TMEM67: variants seen among roughly 807,000 people sequenced by gnomAD.
TMEM67 encodes the protein transmembrane protein 67.
Under a neutral mutation model 136.6 loss-of-function variants are expected in TMEM67, and 124 were observed. The ratio of observed to expected loss-of-function variants is 0.91; its 90% CI spans 0.78 to 1.05. The LOEUF is 1.05. Ranked by LOEUF, TMEM67 falls within the 50% of genes least tolerant of loss-of-function variation. The pLI, the probability that TMEM67 is intolerant of heterozygous loss-of-function variation, is 0.00. For missense variants in TMEM67, 1,107 were observed against 1,178.4 expected (o/e 0.94, Z 0.89); for synonymous variants, 364 against 390.5 (o/e 0.93, Z 0.80).
At chr8:93,818,291 A>AT (rs1808978207), downstream of TMEM67, among the ~76,000 whole-genome samples, 1 of 152,122 alleles carries the variant, frequency 6.6e-6, no homozygotes, top group African/African-American at 2.4e-5. Context: ...ATTTCTCTTC[A>AT]TTTCATAATG....
intron 21 of TMEM67, among the ~76,000 whole-genome samples, chr8:93,799,986 C>T (rs1423470641): frequency 1.3e-5 from 2 of 149,418 alleles, no homozygotes; most frequent in Non-Finnish European, 3.0e-5. Context: ...TGGTTCACTG[C>T]AGCCTCTGCC....
chr8:93,779,380 A>T (rs183502873), intron 7 of TMEM67, among the ~76,000 whole-genome samples: 10 of 152,152 alleles, frequency 6.6e-5, no homozygotes, highest in Non-Finnish European at 1.5e-4. Flanking sequence ...GTCATTCTCC[A>T]TCCAGCTTTG....
rs1232366538 is a variant in TMEM67, at chr8:93,755,039, C to G, written c.125C>G (p.Pro42Arg). 1 of 1,614,224 alleles carries G rather than the reference C, an allele frequency of 6.2e-7. No individual in the cohort carries two copies. Among genetic ancestry groups the G allele is most frequent in the Admixed American group, 1.7e-5 (1 of 60,028 alleles). Residue 42 changes from proline to arginine, a missense_variant, in exon 1 of 28, where the codon CCT becomes CGT. Transcript: ENST00000453321. ...TTACAGGCCCAGACCTTCTCTTTCC[C>G]TTTCCAGCAGCCGGAGAAGTGCGAC... ...RFLQAQTFSF[P>R]FQQPEKCDNN...
chr8:93,796,872 C>T (rs1202468426), intron 18 of TMEM67, among the ~76,000 whole-genome samples: 1 of 152,018 alleles, frequency 6.6e-6, no homozygotes, highest in African/African-American at 2.4e-5. Context: ...AATGTCTCCT[C>T]TTTTCATATT....
At chr8:93,799,226 T>G (rs1394770072) in intron 20 of TMEM67, among the ~76,000 whole-genome samples, 2 of 152,182 alleles carry the variant, frequency 1.3e-5, no homozygotes, top group African/African-American at 4.8e-5. Flanking sequence ...ATATACTGTT[T>G]TAAAGTATAA....
At chr8:93,809,670 A>G in intron 25 of TMEM67, 115 bp from the exon 26 acceptor site, 1 of 669,138 alleles carries the variant, frequency 1.5e-6, no homozygotes, top group Non-Finnish European at 2.6e-6. Flanking sequence ...TTTGAAGAAC[A>G]GATTTTCTTT....
intron 23 of TMEM67, among the ~76,000 whole-genome samples, chr8:93,806,185 T>C (rs558835165): frequency 3.5e-4 from 53 of 152,302 alleles, no homozygotes; most frequent in Non-Finnish European, 5.6e-4. Context: ...ATGGTGGCAG[T>C]GTACGAACTA....
At chr8:93,764,086 A>C in intron 4 of TMEM67, 145 bp downstream of exon 4, 2 of 688,316 alleles carry the variant, frequency 2.9e-6, no homozygotes, top group Non-Finnish European at 5.1e-6. Flanking sequence ...CAGATACAGA[A>C]GCTGAGGCCC....
intron 6 of TMEM67, among the ~76,000 whole-genome samples, chr8:93,771,013 C>CA (rs768436450): frequency 0.02 from 2,500 of 125,656 alleles, 59 homozygotes; most frequent in African/African-American, 0.055. Flanking sequence ...AATTCCGTCT[C>CA]AAAAAAAAAA....
chr8:93,778,457 C>G (rs902281689), intron 7 of TMEM67, among the ~76,000 whole-genome samples: 2 of 152,188 alleles, frequency 1.3e-5, no homozygotes, highest in Non-Finnish European at 1.5e-5. Flanking sequence ...CATTGATGAT[C>G]TTTACAATTT....
intron 26 of TMEM67, among the ~76,000 whole-genome samples, chr8:93,810,596 T>G (rs1215998240): frequency 6.6e-6 from 1 of 152,028 alleles, no homozygotes; most frequent in Non-Finnish European, 1.5e-5. Context: ...ATAATAATAA[T>G]TTTACATAAA....
At chr8:93,786,693 A>T (rs963550760) in intron 13 of TMEM67, among the ~76,000 whole-genome samples, 9 of 152,118 alleles carry the variant, frequency 5.9e-5, no homozygotes, top group African/African-American at 2.2e-4. Context: ...CCCTGTCCTC[A>T]TTTCTTTCAG....
Position 93,765,647 on chromosome 8 carries a change from G to A in TMEM67, c.651+1G>A. ...TTCAGCTGCACGTTATGGAGAAGTT[G>A]TGAGTATGTTTCAATTTTTTTGTTC... is the stretch of plus-strand genomic sequence containing the variant. On this transcript the variant is annotated splice_donor_variant, in intron 6 of 27. Coordinates refer to ENST00000453321, the MANE Select transcript of TMEM67 (RefSeq NM_153704.6). LOFTEE classifies it high-confidence loss of function. 6.2e-7 allele frequency: 1 copy of A among 1,606,452 alleles called. No individual in the cohort carries two copies. Among genetic ancestry groups the A allele is most frequent in the Non-Finnish European group, 8.5e-7 (1 of 1,172,994 alleles).
At chr8:93,767,980 C>T (rs1813154966) in intron 6 of TMEM67, among the ~76,000 whole-genome samples, 1 of 151,708 alleles carries the variant, frequency 6.6e-6, no homozygotes, top group African/African-American at 2.4e-5. Context: ...GTTTCCCTGC[C>T]TCCGCCTCCC....
intron 18 of TMEM67, 38 bp downstream of exon 18, chr8:93,796,025 C>G: frequency 7.7e-7 from 1 of 1,294,416 alleles, no homozygotes; most frequent in Non-Finnish European, 1.1e-6. Flanking sequence ...TTTAAAAGGC[C>G]TGCTAATGAA....
intron 16 of TMEM67, chr8:93,794,777 G>C (rs776037608): frequency 1.9e-5 from 3 of 156,048 alleles, no homozygotes; most frequent in Non-Finnish European, 4.3e-5. Flanking sequence ...TCTACCAGGA[G>C]CTGGAGAATG....
At position 93,754,894 on chromosome 8, in the gene TMEM67, G is replaced by C; in HGVS notation, c.-21G>C. 1 of 1,608,990 alleles carries C rather than the reference G, an allele frequency of 6.2e-7. No homozygotes were observed. Among genetic ancestry groups the C allele is most frequent in the Non-Finnish European group, 8.5e-7 (1 of 1,176,342 alleles). The stretch of plus-strand genomic sequence containing the variant: ...AGGCTGATGGGGGGCTGGAGGCTGT[G>C]AGGCTTCCAGCGTCGGTACCATGGC... On this transcript the variant is annotated 5_prime_UTR_variant, in exon 1 of 28. Coordinates refer to ENST00000453321, the MANE Select transcript of TMEM67 (RefSeq NM_153704.6).
At chr8:93,824,945 G>A in the TMEM67 span, among the ~76,000 whole-genome samples, 1 of 151,966 alleles carries the variant, frequency 6.6e-6, no homozygotes, top group Non-Finnish European at 1.5e-5. Context: ...CGAACTCCTG[G>A]ACCAAAAATG....
chr8:93,805,448 G>T (rs1328756417), intron 23 of TMEM67, among the ~76,000 whole-genome samples: 2 of 152,202 alleles, frequency 1.3e-5, no homozygotes, highest in Admixed American at 6.5e-5. Context: ...GCCGGGCATG[G>T]TCGCGGGCGC....
Sources: allele counts gnomAD v4.1 joint callset (sites outside exome capture counted in the v4.1 genomes callset), GRCh38; gene constraint gnomAD v4.1.1; transcripts MANE v1.5; gene names NCBI Gene and HGNC (gene_info 2026-07-23, HGNC 2026-07-21).